The following IL3 variants were observed in gnomAD, a reference collection of about 807,000 sequenced individuals.
The protein encoded by IL3 is interleukin 3, also known as interleukin-3.
In IL3, 15 loss-of-function variants were observed where a neutral mutation model predicts 15.4. The observed-to-expected ratio is 0.97, with a 90% CI of 0.65 to 1.50. IL3 has a LOEUF of 1.50. Ranked by LOEUF, IL3 falls within the 40% of genes most tolerant of loss-of-function variation. IL3 has a pLI of 0.00. For missense variants in IL3, 162 were observed against 192.2 expected (o/e 0.84, Z 0.93); for synonymous variants, 74 against 79.3 (o/e 0.93, Z 0.36).
At position 132,060,700 on chromosome 5, in the gene IL3, T is replaced by A. The variant is rs1043961894; in HGVS notation, c.-7T>A. The A allele has an allele frequency of 6.2e-7, 1 of 1,612,482 alleles. No homozygotes were observed. The highest frequency in any genetic ancestry group is 1.3e-5 in the African/African-American group (1 of 74,842). On this transcript the variant is annotated 5_prime_UTR_variant, in exon 1 of 5. Transcript: ENST00000296870. ...AACAAGACAGAGTGCCTCCTGCCGA[T>A]CCAAACATGAGCCGCCTGCCCGTCC... is the stretch of plus-strand genomic sequence containing the variant.
intron 2 of IL3, among the ~76,000 whole-genome samples, chr5:132,061,969 G>T (rs763422040): frequency 4.4e-4 from 67 of 152,130 alleles, no homozygotes; most frequent in Non-Finnish European, 8.7e-4. Flanking sequence ...TCACCATATT[G>T]GTCAGGCTGG....
rs1674749922 is a variant in IL3, at chr5:132,060,810, G to A, written c.104G>A (p.Cys35Tyr). 1 of 1,614,114 alleles carries A rather than the reference G, an allele frequency of 6.2e-7. No homozygotes were observed. Among genetic ancestry groups the A allele is most frequent in the Admixed American group, 1.7e-5 (1 of 60,008 alleles). Residue 35 changes from cysteine to tyrosine, a missense_variant, in exon 1 of 5, where the codon TGC (cysteine) becomes TAC (tyrosine). Transcript: ENST00000296870. ...CCCTTGAAGACAAGCTGGGTTAACTGCTCTAACATGATCGATGAAATTATA... is the reference window on the plus strand; with the variant it reads ...CCCTTGAAGACAAGCTGGGTTAACTACTCTAACATGATCGATGAAATTATA... ...TTPLKTSWVN[C>Y]SNMIDEIITH... is the part of the protein sequence containing the mutation.
Position 132,062,751 on chromosome 5 carries a change from C to T in IL3, c.419C>T (p.Ala140Val), listed in dbSNP as rs183170475. 35 of 1,614,122 alleles carry T rather than the reference C, an allele frequency of 2.2e-5. No homozygotes were observed. Among genetic ancestry groups the T allele is most frequent in the Admixed American group, 3.3e-5 (2 of 60,026 alleles). The change falls in exon 5 of 5, where the codon GCG becomes GTG. Residue 140 changes from alanine to valine, a missense_variant. By Grantham distance (64) the Ala-to-Val change is moderately conservative (BLOSUM62 0). Coordinates refer to ENST00000296870, the MANE Select transcript of IL3 (RefSeq NM_000588.4). The part of the protein sequence containing the change: ...LTFYLKTLEN[A>V]QAQQTTLSLA... ...TTCTATCTGAAAACCCTTGAGAATG[C>T]GCAGGCTCAACAGACGACTTTGAGC... is the stretch of plus-strand genomic sequence containing the variant.
intron 2 of IL3, 148 bp from the exon 3 acceptor site, chr5:132,062,164 G>T (rs536381049): frequency 1.3e-5 from 9 of 715,370 alleles, no homozygotes; most frequent in African/African-American, 1.0e-4. Context: ...CTTGGGCAGG[G>T]ACCCACCTGA....
At chr5:132,060,905 G>A in intron 1 of IL3, 37 bp downstream of exon 1, 1 of 1,610,992 alleles carries the variant, frequency 6.2e-7, no homozygotes, top group South Asian at 1.1e-5. Flanking sequence ...GCAGCAGTGA[G>A]GGGTGGTGGC....
Position 132,061,003 on chromosome 5 carries a change from C to T in IL3, c.199C>T (p.Leu67=), listed in dbSNP as rs1218678515. The change falls in exon 2 of 5, where the codon CTG becomes TTG. Residue 67 remains leucine (L), a synonymous_variant. Coordinates refer to ENST00000296870, the MANE Select transcript of IL3 (RefSeq NM_000588.4). Reference sequence around the variant, plus strand: ...CCTCAATGGGGAAGACCAAGACATTCTGATGGTAAGAGCTCAGCCCGTGGA... The same window carrying T: ...CCTCAATGGGGAAGACCAAGACATTTTGATGGTAAGAGCTCAGCCCGTGGA... The part of the protein sequence containing the change: ...NNLNGEDQDI[L]MENNLRRPNL... 9 of 1,614,128 alleles carry T rather than the reference C, an allele frequency of 5.6e-6. No homozygotes were observed. Among genetic ancestry groups the T allele is most frequent in the Non-Finnish European group, 6.8e-6 (8 of 1,179,972 alleles).
In IL3 at chr5:132,060,677, C is replaced by A; in HGVS notation, c.-30C>A. 6.2e-7 allele frequency: 1 copy of A among 1,611,670 alleles called. No individual in the cohort carries two copies. On this transcript the variant is annotated 5_prime_UTR_variant, in exon 1 of 5. Transcript: ENST00000296870. ...TTCAGAGCCCCACGAAGGACCAGAA[C>A]AAGACAGAGTGCCTCCTGCCGATCC...
In IL3 at chr5:132,060,803, G is replaced by T; in HGVS notation, c.97G>T (p.Val33Phe). 1.2e-6 allele frequency: 2 copies of T among 1,614,240 alleles called. No individual in the cohort carries two copies. The highest frequency in any genetic ancestry group is 1.7e-6 in the Non-Finnish European group (2 of 1,180,038). Residue 33 changes from valine to phenylalanine, a missense_variant, in exon 1 of 5, where the codon GTT (valine) becomes TTT (phenylalanine). Val to Phe is a conservative substitution (Grantham distance 50, BLOSUM62 -1). Transcript: ENST00000296870. ...TQTTPLKTSW[V>F]NCSNMIDEII... is the part of the protein sequence containing the mutation. ...GACAACGCCCTTGAAGACAAGCTGG[G>T]TTAACTGCTCTAACATGATCGATGA...
In IL3 at chr5:132,060,750, G is replaced by T. The variant is rs2069787; in HGVS notation, c.44G>T (p.Arg15Leu). 6.2e-7 allele frequency: 1 copy of T among 1,613,820 alleles called. No individual in the cohort carries two copies. The highest frequency in any genetic ancestry group is 8.5e-7 in the Non-Finnish European group (1 of 1,179,964). Residue 15 changes from arginine to leucine, a missense_variant, in exon 1 of 5, where the codon CGC (arginine) becomes CTC (leucine). By Grantham distance (102) the Arg-to-Leu change is moderately radical (BLOSUM62 -2). Coordinates refer to ENST00000296870, the MANE Select transcript of IL3 (RefSeq NM_000588.4). ...CTGCTCCTGCTCCAACTCCTGGTCC[G>T]CCCCGGACTCCAAGCTCCCATGACC... ...PVLLLLQLLV[R>L]PGLQAPMTQT...
At chr5:132,061,069 T>G in intron 2 of IL3, 61 bp downstream of exon 2, 1 of 1,491,572 alleles carries the variant, frequency 6.7e-7, no homozygotes, top group Non-Finnish European at 9.3e-7. Context: ...AGCCATGTCA[T>G]TCCATCTTAC....
chr5:132,062,215 A>T lies in IL3; in HGVS notation c.205-97A>T, dbSNP rs1367483872. ...AGGAGGGAACCCGAGGATGTCCCCA[A>T]CAGTGGGCTTGGGAAACTGTGGGGG... is the stretch of plus-strand genomic sequence containing the variant. On this transcript the variant is annotated intron_variant, in intron 2 of 4. Coordinates refer to ENST00000296870, the MANE Select transcript of IL3 (RefSeq NM_000588.4). 9 of 998,832 alleles carry T rather than the reference A, an allele frequency of 9.0e-6. No individual in the cohort carries two copies. The South Asian group carries it at 1.2e-4, about 13-fold the overall frequency. 61.9% of individuals were successfully genotyped at this position (998,832 alleles called of 1,614,324 possible). A position where few individuals can be genotyped will look rare whatever the true frequency, so the allele number is the denominator to read the frequency against.
chr5:132,061,225 A>C (rs1756472262), intron 2 of IL3, among the ~76,000 whole-genome samples: 2 of 152,260 alleles, frequency 1.3e-5, no homozygotes, highest in African/African-American at 4.8e-5. Flanking sequence ...CCATGGCTAT[A>C]ATAATGAAAA....
rs751116601 is a variant in IL3, at chr5:132,062,357, G to A, written c.250G>A (p.Val84Ile). The change falls in exon 3 of 5, where the codon GTC becomes ATC. Residue 84 changes from valine to isoleucine, a missense_variant. Physicochemically the swap from Val to Ile is conservative, Grantham distance 29. Coordinates refer to ENST00000296870, the MANE Select transcript of IL3 (RefSeq NM_000588.4). ...RPNLEAFNRA[V>I]KSLQNASAIE... ...AAACCTGGAGGCATTCAACAGGGCT[G>A]TCAAGAGTTTACAGAACGCATCAGC... The A allele has an allele frequency of 2.0e-5, 33 of 1,614,086 alleles. No individual in the cohort carries two copies. The highest frequency in any genetic ancestry group is 2.5e-5 in the Non-Finnish European group (30 of 1,180,004).
chr5:132,062,620 C>T (rs1395658154), intron 4 of IL3, 49 bp from the exon 5 acceptor site: 3 of 1,612,888 alleles, frequency 1.9e-6, no homozygotes, highest in East Asian at 2.2e-5. Flanking sequence ...CTGGTCATCA[C>T]CATTACAGCC....
chr5:132,062,028 C>G (rs1416479893), intron 2 of IL3, among the ~76,000 whole-genome samples: 19 of 152,214 alleles, frequency 1.2e-4, no homozygotes, highest in Admixed American at 1.2e-3. Context: ...TCCCAAAGTG[C>G]TGGGATTACA....
At chr5:132,061,767 CAT>C (rs1756483061) in intron 2 of IL3, among the ~76,000 whole-genome samples, 1 of 120,270 alleles carries the variant, frequency 8.3e-6, no homozygotes, top group African/African-American at 3.7e-5. Context: ...CCTCCCCACC[CAT>C]TTTTTTTTTT....
chr5:132,062,818 C>G lies in IL3; in HGVS notation c.*27C>G. 6.2e-7 allele frequency: 1 copy of G among 1,604,894 alleles called. No homozygotes were observed. The highest frequency in any genetic ancestry group is 8.5e-7 in the Non-Finnish European group (1 of 1,173,862). ...TCCAACGTCCAGCTCGTTCTCTGGG[C>G]CTTCTCACCACAGAGCCTCGGGACA... On this transcript the variant is annotated 3_prime_UTR_variant, in exon 5 of 5. Coordinates refer to ENST00000296870, the MANE Select transcript of IL3 (RefSeq NM_000588.4).
In IL3 at chr5:132,062,965, A is replaced by G; in HGVS notation, c.*174A>G. 1 of 883,946 alleles carries G rather than the reference A, an allele frequency of 1.1e-6. No homozygotes were observed. Among genetic ancestry groups the G allele is most frequent in the Non-Finnish European group, 1.7e-6 (1 of 601,002 alleles). The allele number at this position is 883,946 out of a possible 1,614,324, so 54.8% of individuals were successfully genotyped here. ...TAATTATCTAATTTCTGAAATGTGC[A>G]GCTCCCATTTGGCCTTGTGCGGTTG... On this transcript the variant is annotated 3_prime_UTR_variant, in exon 5 of 5. Coordinates refer to ENST00000296870, the MANE Select transcript of IL3 (RefSeq NM_000588.4).
chr5:132,062,480 C>CT, intron 3 of IL3, 46 bp from the exon 4 acceptor site: 1 of 1,614,122 alleles, frequency 6.2e-7, no homozygotes, highest in Non-Finnish European at 8.5e-7. Context: ...GGCCCACTCC[C>CT]TTTCCAAGGG....
Sources: allele counts gnomAD v4.1 joint callset (sites outside exome capture counted in the v4.1 genomes callset), GRCh38; gene constraint gnomAD v4.1.1; transcripts MANE v1.5; gene names NCBI Gene and HGNC (gene_info 2026-07-23, HGNC 2026-07-21).